Variants in PNRC1 observed in about 807,000 individuals in gnomAD.
The protein encoded by PNRC1 is proline rich nuclear receptor coactivator 1.
A neutral mutation model predicts 20.2 loss-of-function variants in PNRC1; 6 were observed. That is an observed-to-expected ratio of 0.30 (90% confidence interval 0.16 to 0.59). The LOEUF is 0.59. Among genes scored for constraint, PNRC1 ranks in the 20% least tolerant of loss-of-function variants. The pLI is 0.89. For missense variants in PNRC1, 488 were observed against 430.2 expected (o/e 1.13, Z -1.19); for synonymous variants, 202 against 186.9 (o/e 1.08, Z -0.66).
At chr6:89,081,538 G>A (rs1451612517) in intron 1 of PNRC1, 104 bp downstream of exon 1, 26 of 374,246 alleles carry the variant, frequency 6.9e-5, no homozygotes, top group South Asian at 3.2e-4. Context: ...GGTGGGGGCG[G>A]GGTGGGGGGG....
chr6:89,081,760 G>GC (rs1182912352), intron 1 of PNRC1: 1 of 179,658 alleles, frequency 5.6e-6, no homozygotes, highest in Non-Finnish European at 1.2e-5. Flanking sequence ...CGGCGGGGTG[G>GC]GGGCAGGGAC....
In PNRC1 at chr6:89,081,103, C is replaced by T; in HGVS notation, c.209C>T (p.Pro70Leu). ...GGGGGAGATGGCCCGTGTCTGACCC[C>T]CCAGCCTCGCGCTCCAGCAGCTCTG... ...FLGGDGPCLT[P>L]QPRAPAALPN... The change falls in exon 1 of 2, where the codon CCC (proline) becomes CTC (leucine). Residue 70 changes from proline to leucine, a missense_variant. Pro to Leu is a moderately conservative substitution (Grantham distance 98). Coordinates refer to ENST00000336032, the MANE Select transcript of PNRC1 (RefSeq NM_006813.3). 2 of 1,609,142 alleles carry T rather than the reference C, an allele frequency of 1.2e-6. No homozygotes were observed. The highest frequency in any genetic ancestry group is 1.7e-6 in the Non-Finnish European group (2 of 1,179,816).
rs147195455 is a variant in PNRC1, at chr6:89,083,998, G to A, written c.786G>A (p.Ser262=). ...AAAATACCGAGAACATTAAAAATTCGCATTTGAAGAAATCAGCATTTCTAA... is the reference window on the plus strand; with the variant it reads ...AAAATACCGAGAACATTAAAAATTCACATTTGAAGAAATCAGCATTTCTAA... ...PFKNTENIKN[S]HLKKSAFLTE... Residue 262 remains serine, a synonymous_variant, in exon 2 of 2, where the codon TCG becomes TCA. Coordinates refer to ENST00000336032, the MANE Select transcript of PNRC1 (RefSeq NM_006813.3). 1.4e-4 allele frequency: 222 copies of A among 1,613,648 alleles called. 1 individual carries two copies. Among genetic ancestry groups the A allele is most frequent in the Non-Finnish European group, 1.8e-4 (213 of 1,179,952 alleles).
chr6:89,084,497 T>A lies in PNRC1; in HGVS notation c.*301T>A, dbSNP rs1768073982. On this transcript the variant is annotated 3_prime_UTR_variant, in exon 2 of 2. Coordinates refer to ENST00000336032, the MANE Select transcript of PNRC1 (RefSeq NM_006813.3). ...ATATACAATGGATAAATTTTAAGTG[T>A]GTGCTAAGGCACATGGAAGACCGAT... 1 of 206,094 alleles carries A rather than the reference T, an allele frequency of 4.9e-6. No individual in the cohort carries two copies. The highest frequency in any genetic ancestry group is 9.9e-6 in the Non-Finnish European group (1 of 101,492). The allele number at this position is 206,094 out of a possible 1,614,324, so 12.8% of individuals were successfully genotyped here.
At position 89,080,787 on chromosome 6, in the gene PNRC1, A is replaced by G. The variant is rs532766439; in HGVS notation, c.-108A>G. On this transcript the variant is annotated 5_prime_UTR_variant, in exon 1 of 2. Coordinates refer to ENST00000336032, the MANE Select transcript of PNRC1 (RefSeq NM_006813.3). ...GCCACCGCCCGAGTCATGTTCCGCG[A>G]TCTTCTCAGGCTCTCCTAGCAGCAT... is the stretch of plus-strand genomic sequence containing the variant. 256 of 1,060,004 alleles carry G rather than the reference A, an allele frequency of 2.4e-4. 1 individual carries two copies. The African/African-American group carries it at 3.6e-3, about 15-fold the overall frequency. The allele number at this position is 1,060,004 out of a possible 1,614,324, so 65.7% of individuals were successfully genotyped here.
intron 1 of PNRC1, among the ~76,000 whole-genome samples, chr6:89,083,117 G>T (rs913493277): frequency 5.9e-5 from 9 of 151,600 alleles, no homozygotes. Context: ...AAGGGATCCC[G>T]CCTCAGCCAG....
In PNRC1 at chr6:89,084,175, G is replaced by C. The variant is rs1130809; in HGVS notation, c.963G>C (p.Thr321=). 312,379 of 1,578,968 alleles carry C rather than the reference G, an allele frequency of 0.2. 38,419 individuals carry two copies. The highest frequency in any genetic ancestry group is 0.67 in the East Asian group (29,716 of 44,490). ...AGCTGATGGCAGTACACTTAAAAAC[G>C]CTCCTCAAAGTTCAAACTTAGATTT... ...NRELMAVHLK[T]LLKVQT is the part of the protein sequence containing the mutation. The change falls in exon 2 of 2, where the codon ACG becomes ACC. Residue 321 remains threonine, a synonymous_variant. Transcript: ENST00000336032.
Position 89,081,506 on chromosome 6 carries a change from C to T in PNRC1, c.540+72C>T, listed in dbSNP as rs1223719742. ...GCGGCCGAGCTCTGGGGCTGCAGAC[C>T]CTGCACCCGGGGGGTCGGGCGGGTG... On this transcript the variant is annotated intron_variant, in intron 1 of 1. Transcript: ENST00000336032. The T allele has an allele frequency of 1.5e-5, 7 of 474,506 alleles. No homozygotes were observed. The Admixed American group carries it at 2.4e-4, about 16-fold the overall frequency. 29.4% of individuals were successfully genotyped at this position (474,506 alleles called of 1,614,324 possible).
rs988221689 is a variant in PNRC1, at chr6:89,084,266, C to T, written c.*70C>T. 35 of 1,098,358 alleles carry T rather than the reference C, an allele frequency of 3.2e-5. No homozygotes were observed. In the East Asian group the frequency reaches 8.3e-4, roughly 26 times the overall value. 68.0% of individuals were successfully genotyped at this position (1,098,358 alleles called of 1,614,324 possible). A position where few individuals can be genotyped will look rare whatever the true frequency, so the allele number is the denominator to read the frequency against. ...CCCTGGACTCTTGAGAAAATTGGTA[C>T]AGAAATGGAAATTTGCCTTGTTGCA... is the stretch of plus-strand genomic sequence containing the variant. On this transcript the variant is annotated 3_prime_UTR_variant, in exon 2 of 2. Coordinates refer to ENST00000336032, the MANE Select transcript of PNRC1 (RefSeq NM_006813.3).
intron 1 of PNRC1, among the ~76,000 whole-genome samples, chr6:89,083,077 T>A (rs765098246): frequency 2.0e-5 from 3 of 152,034 alleles, no homozygotes; most frequent in Non-Finnish European, 4.4e-5. Context: ...GATCGATCTC[T>A]GCTCACTGCA....
chr6:89,083,239 C>T (rs1768043046), intron 1 of PNRC1, among the ~76,000 whole-genome samples: 1 of 152,244 alleles, frequency 6.6e-6, no homozygotes, highest in Non-Finnish European at 1.5e-5. Flanking sequence ...GAGCGATCTG[C>T]TTGCCTTGAC....
intron 1 of PNRC1, among the ~76,000 whole-genome samples, 175 bp downstream of exon 1, chr6:89,081,609 A>G (rs1205621753): frequency 1.3e-5 from 2 of 151,104 alleles, no homozygotes; most frequent in Non-Finnish European, 3.0e-5. Context: ...CTTTGGGGGA[A>G]GAAGGGGGAA....
rs1243623521 is a variant in PNRC1, at chr6:89,081,147, G to A, written c.253G>A (p.Val85Met). Residue 85 changes from valine (V) to methionine (M), a missense_variant, in exon 1 of 2, where the codon GTG becomes ATG. Val to Met is a conservative substitution (Grantham distance 21, BLOSUM62 1). Transcript: ENST00000336032. ...AGCTCTGCCCAACCGCAGCCTCGCC[G>A]TGGCGGGAGGCACTCCTCGGGCAGC... ...PAALPNRSLAVAGGTPRAAPK... is the reference protein window; with the variant it reads ...PAALPNRSLAMAGGTPRAAPK... 4.4e-6 allele frequency: 7 copies of A among 1,602,884 alleles called. No individual in the cohort carries two copies. Among genetic ancestry groups the A allele is most frequent in the Non-Finnish European group, 5.1e-6 (6 of 1,178,702 alleles).
At position 89,081,174 on chromosome 6, in the gene PNRC1, C is replaced by G. The variant is rs1451131031; in HGVS notation, c.280C>G (p.Pro94Ala). Residue 94 changes from proline to alanine, a missense_variant, in exon 1 of 2, where the codon CCG becomes GCG. Physicochemically the swap from Pro to Ala is conservative, Grantham distance 27 (BLOSUM62 -1). Transcript: ENST00000336032. ...AVAGGTPRAA[P>A]KKRRKKKVRA... Reference sequence around the variant, plus strand: ...GGCGGGAGGCACTCCTCGGGCAGCGCCGAAGAAGCGGCGAAAGAAGAAGGT... The same window carrying G: ...GGCGGGAGGCACTCCTCGGGCAGCGGCGAAGAAGCGGCGAAAGAAGAAGGT... 1 of 1,591,272 alleles carries G rather than the reference C, an allele frequency of 6.3e-7. No homozygotes were observed. The highest frequency in any genetic ancestry group is 8.5e-7 in the Non-Finnish European group (1 of 1,174,796).
Position 89,081,270 on chromosome 6 carries a change from G to T in PNRC1, c.376G>T (p.Gly126Cys), listed in dbSNP as rs761299659. ...CCAGCAGCACCGGCCGAGTCTGGAG[G>T]GCGGCCGGAGCCCCGCGACCGGCCC... ...QYQQHRPSLE[G>C]GRSPATGPSG... The change falls in exon 1 of 2, where the codon GGC becomes TGC. Residue 126 changes from glycine (G) to cysteine (C), a missense_variant. Gly to Cys is a radical substitution (Grantham distance 159, BLOSUM62 -3). Transcript: ENST00000336032. The T allele has an allele frequency of 3.1e-5, 47 of 1,528,602 alleles. No homozygotes were observed. Among genetic ancestry groups the T allele is most frequent in the Non-Finnish European group, 4.1e-5 (47 of 1,147,256 alleles). The allele number at this position is 1,528,602 out of a possible 1,614,324, so 94.7% of individuals were successfully genotyped here.
rs764594326 is a variant in PNRC1 at position 89,081,272 on chromosome 6, C to A, written c.378C>A (p.Gly126=). The A allele has an allele frequency of 6.6e-7, 1 of 1,526,120 alleles. No homozygotes were observed. The highest frequency in any genetic ancestry group is 8.7e-7 in the Non-Finnish European group (1 of 1,146,140). 94.5% of individuals were successfully genotyped at this position (1,526,120 alleles called of 1,614,324 possible). A position where few individuals can be genotyped will look rare whatever the true frequency, so the allele number is the denominator to read the frequency against. ...AGCAGCACCGGCCGAGTCTGGAGGGCGGCCGGAGCCCCGCGACCGGCCCGA... is the reference window on the plus strand; with the variant it reads ...AGCAGCACCGGCCGAGTCTGGAGGGAGGCCGGAGCCCCGCGACCGGCCCGA... ...QYQQHRPSLE[G]GRSPATGPSG... The change falls in exon 1 of 2, where the codon GGC becomes GGA. Residue 126 remains glycine (G), a synonymous_variant. Coordinates refer to ENST00000336032, the MANE Select transcript of PNRC1 (RefSeq NM_006813.3).
At chr6:89,083,231 G>A (rs1321521199) in intron 1 of PNRC1, among the ~76,000 whole-genome samples, 1 of 152,218 alleles carries the variant, frequency 6.6e-6, no homozygotes, top group African/African-American at 2.4e-5. Flanking sequence ...TTGAGCTTGA[G>A]CGATCTGCTT....
Position 89,084,209 on chromosome 6 carries a change from A to G in PNRC1, c.*13A>G. 2 of 1,545,714 alleles carry G rather than the reference A, an allele frequency of 1.3e-6. No homozygotes were observed. Among genetic ancestry groups the G allele is most frequent in the African/African-American group, 2.8e-5 (2 of 72,146 alleles). ...AGTTCAAACTTAGATTTCAGATTTCAGTATGTGTGTAAAACATAATTTTTC... is the reference window on the plus strand; with the variant it reads ...AGTTCAAACTTAGATTTCAGATTTCGGTATGTGTGTAAAACATAATTTTTC... On this transcript the variant is annotated 3_prime_UTR_variant, in exon 2 of 2. Coordinates refer to ENST00000336032, the MANE Select transcript of PNRC1 (RefSeq NM_006813.3).
At chr6:89,082,312 T>TTAAG (rs1389200133) in intron 1 of PNRC1, 1 of 152,258 alleles carries the variant, frequency 6.6e-6, no homozygotes, top group African/African-American at 2.4e-5. Flanking sequence ...TTTTATGGAC[T>TTAAG]TAAGTTCAAT....
Sources: allele counts gnomAD v4.1 joint callset (sites outside exome capture counted in the v4.1 genomes callset), GRCh38; gene constraint gnomAD v4.1.1; transcripts MANE v1.5; gene names NCBI Gene and HGNC (gene_info 2026-07-23, HGNC 2026-07-21).